The following VAMP4 variants were observed in gnomAD, a reference collection of about 807,000 sequenced individuals.
The protein encoded by VAMP4 is vesicle associated membrane protein 4, also known as vesicle-associated membrane protein 4.
A neutral mutation model predicts 23.5 loss-of-function variants in VAMP4; 19 were observed. The observed-to-expected ratio is 0.81, with a 90% CI of 0.56 to 1.19. VAMP4 has a LOEUF of 1.19. Among genes scored for constraint, VAMP4 ranks in the 50% most tolerant of loss-of-function variants. The probability of loss-of-function intolerance (pLI) is 0.00; values close to 1 mark genes in which losing one functional copy is unlikely to be tolerated. For synonymous variants in VAMP4, 31 were observed against 51.0 expected, an observed-to-expected ratio of 0.61 and a Z score of 1.67; for missense variants, 145 against 168.6, an observed-to-expected ratio of 0.86 and a Z score of 0.78.
intron 6 of VAMP4, among the ~76,000 whole-genome samples, chr1:171,709,054 T>C (rs1208934934): frequency 6.6e-6 from 1 of 152,038 alleles, no homozygotes; most frequent in African/African-American, 2.4e-5. Context: ...TAATGATTAG[T>C]AGCCACAGTG....
chr1:171,725,680 C>T (rs758928859), intron 3 of VAMP4, among the ~76,000 whole-genome samples: 7 of 151,950 alleles, frequency 4.6e-5, no homozygotes, highest in Non-Finnish European at 8.8e-5. Context: ...TTCACTGCTT[C>T]TCGGGTTTCC....
Position 171,701,996 on chromosome 1 carries a change from GA to G in VAMP4, c.*2509del, listed in dbSNP as rs1654467252. 6.6e-6 allele frequency: 1 copy of G among 152,024 alleles called. No homozygotes were observed. The highest frequency in any genetic ancestry group is 2.4e-5 in the African/African-American group (1 of 41,420). 9.4% of individuals were successfully genotyped at this position (152,024 alleles called of 1,614,324 possible). A position where few individuals can be genotyped will look rare whatever the true frequency, so the allele number is the denominator to read the frequency against. On this transcript the variant is annotated 3_prime_UTR_variant, in exon 8 of 8. Coordinates refer to ENST00000236192, the MANE Select transcript of VAMP4 (RefSeq NM_003762.5). ...TCAACTAGTATTTGCAAAGCTACTT[GA>G]ATTTTTCTGTTGATCTTCACTTGTT...
At chr1:171,723,059 G>C (rs541531978) in intron 3 of VAMP4, among the ~76,000 whole-genome samples, 1 of 152,240 alleles carries the variant, frequency 6.6e-6, no homozygotes, top group East Asian at 1.9e-4. Context: ...GAGACATCAC[G>C]TGTCGGCAGG....
At chr1:171,731,231 A>G (rs929681903) in intron 2 of VAMP4, among the ~76,000 whole-genome samples, 3 of 152,174 alleles carry the variant, frequency 2.0e-5, no homozygotes, top group Non-Finnish European at 2.9e-5. Context: ...ACACATGGAC[A>G]CAGGAAGGGG....
chr1:171,717,614 T>A (rs1655061927), intron 4 of VAMP4, among the ~76,000 whole-genome samples: 1 of 129,590 alleles, frequency 7.7e-6, no homozygotes, highest in South Asian at 2.3e-4. Flanking sequence ...GCCATTGACC[T>A]CCCCTTTTTT....
At chr1:171,708,332 T>C (rs1572238745) in intron 6 of VAMP4, among the ~76,000 whole-genome samples, 1 of 91,714 alleles carries the variant, frequency 1.1e-5, no homozygotes, top group Admixed American at 1.3e-4. Context: ...ACAGCAAGAG[T>C]GCCACAAAAA....
In VAMP4 at chr1:171,700,976, C is replaced by T. The variant is rs534832419; in HGVS notation, c.*3530G>A. 10 of 150,828 alleles carry T rather than the reference C, an allele frequency of 6.6e-5. No individual in the cohort carries two copies. The highest frequency in any genetic ancestry group is 3.0e-5 in the Non-Finnish European group (2 of 67,744). 9.3% of individuals were successfully genotyped at this position (150,828 alleles called of 1,614,324 possible). A position where few individuals can be genotyped will look rare whatever the true frequency, so the allele number is the denominator to read the frequency against. ...CCCATCCCTAATTCTACTTGGTTTC[C>T]AGAAGAAAAAAAAAATCAGAATAAG... On this transcript the variant is annotated 3_prime_UTR_variant, in exon 8 of 8. Transcript: ENST00000236192.
In VAMP4 at chr1:171,703,825, T is replaced by A. The variant is rs534531161; in HGVS notation, c.*681A>T. The A allele has an allele frequency of 1.3e-5, 2 of 152,406 alleles. No homozygotes were observed. The highest frequency in any genetic ancestry group is 3.9e-4 in the East Asian group (2 of 5,178). The allele number at this position is 152,406 out of a possible 1,614,324, so 9.4% of individuals were successfully genotyped here. On this transcript the variant is annotated 3_prime_UTR_variant, in exon 8 of 8. Transcript: ENST00000236192. ...ATGACACTCTTCAATAACTTTATTA[T>A]CTCCAGTTTTATGATGCCATACCAT...
Position 171,702,294 on chromosome 1 carries a change from T to C in VAMP4, c.*2212A>G, listed in dbSNP as rs1654477420. The C allele has an allele frequency of 6.6e-6, 1 of 152,042 alleles. No homozygotes were observed. The highest frequency in any genetic ancestry group is 2.4e-5 in the African/African-American group (1 of 41,446). 9.4% of individuals were successfully genotyped at this position (152,042 alleles called of 1,614,324 possible). A position where few individuals can be genotyped will look rare whatever the true frequency, so the allele number is the denominator to read the frequency against. The stretch of plus-strand genomic sequence containing the variant: ...AAATGATGAATTACAAACCAAGCCA[T>C]CACTACTACAAAGTTCCATGAGTGA... On this transcript the variant is annotated 3_prime_UTR_variant, in exon 8 of 8. Transcript: ENST00000236192.
intron 1 of VAMP4, among the ~76,000 whole-genome samples, chr1:171,740,692 T>C (rs938354454): frequency 4.6e-5 from 7 of 152,162 alleles, no homozygotes; most frequent in African/African-American, 1.4e-4. Context: ...ACTGAAGAAC[T>C]TGTGCTTTTA....
chr1:171,704,797 T>G (rs1654595183), intron 7 of VAMP4, among the ~76,000 whole-genome samples: 1 of 151,998 alleles, frequency 6.6e-6, no homozygotes, highest in Non-Finnish European at 1.5e-5. Flanking sequence ...TTACTAAAAA[T>G]TTTGATAACC....
chr1:171,712,022 T>C (rs1230961227), intron 4 of VAMP4, among the ~76,000 whole-genome samples: 3 of 152,148 alleles, frequency 2.0e-5, no homozygotes. Flanking sequence ...CCATACCATA[T>C]AGCCTAGGTG....
At chr1:171,717,774 G>C (rs1004246964) in intron 4 of VAMP4, among the ~76,000 whole-genome samples, 1 of 152,028 alleles carries the variant, frequency 6.6e-6, no homozygotes, top group African/African-American at 2.4e-5. Context: ...TGGTGTGCAG[G>C]ACAATGACCC....
chr1:171,713,308 G>A (rs1362588421), intron 4 of VAMP4, among the ~76,000 whole-genome samples: 1 of 151,218 alleles, frequency 6.6e-6, no homozygotes, highest in Admixed American at 6.6e-5. Context: ...TTTGTCATAT[G>A]CAAGTGACGA....
intron 1 of VAMP4, among the ~76,000 whole-genome samples, chr1:171,741,083 C>T (rs897610471): frequency 1.1e-4 from 16 of 152,324 alleles, no homozygotes; most frequent in African/African-American, 3.9e-4. Context: ...ACTAGGTATA[C>T]ATGTAAATAA....
intron 2 of VAMP4, among the ~76,000 whole-genome samples, chr1:171,732,413 T>C (rs1032882489): frequency 2.0e-5 from 3 of 151,494 alleles, no homozygotes; most frequent in African/African-American, 7.3e-5. Context: ...GGCTCATGCC[T>C]GTAGTCCTAG....
chr1:171,737,407 A>C (rs1655779261), intron 2 of VAMP4, among the ~76,000 whole-genome samples: 1 of 152,240 alleles, frequency 6.6e-6, no homozygotes, highest in Non-Finnish European at 1.5e-5. Flanking sequence ...TGTCTTTTAA[A>C]TGCGGCATAA....
rs1179276800 is a variant in VAMP4 at position 171,700,900 on chromosome 1, C to G, written c.*3606G>C. 2.0e-5 allele frequency: 3 copies of G among 151,946 alleles called. No homozygotes were observed. Among genetic ancestry groups the G allele is most frequent in the Admixed American group, 1.3e-4 (2 of 15,246 alleles). 9.4% of individuals were successfully genotyped at this position (151,946 alleles called of 1,614,324 possible). A position where few individuals can be genotyped will look rare whatever the true frequency, so the allele number is the denominator to read the frequency against. ...TCTTTTCAATTCCTACTGATTTGTT[C>G]CAAGAAGCTTCTTGGAATAAAACAG... On this transcript the variant is annotated 3_prime_UTR_variant, in exon 8 of 8. Coordinates refer to ENST00000236192, the MANE Select transcript of VAMP4 (RefSeq NM_003762.5).
intron 3 of VAMP4, among the ~76,000 whole-genome samples, chr1:171,726,020 C>T (rs971314897): frequency 6.6e-6 from 1 of 150,628 alleles, no homozygotes; most frequent in Admixed American, 6.6e-5. Flanking sequence ...AATGTTTTCA[C>T]TTGGAAAAAA....
Sources: allele counts gnomAD v4.1 joint callset (sites outside exome capture counted in the v4.1 genomes callset), GRCh38; gene constraint gnomAD v4.1.1; transcripts MANE v1.5; gene names NCBI Gene and HGNC (gene_info 2026-07-23, HGNC 2026-07-21).